UNC45B: variants seen among roughly 807,000 people sequenced by gnomAD.
UNC45B encodes the protein protein unc-45 homolog B.
Under a neutral mutation model 98.7 loss-of-function variants are expected in UNC45B, and 78 were observed. That is an observed-to-expected ratio of 0.79 (90% CI 0.66 to 0.95). UNC45B has a LOEUF of 0.95. UNC45B is among the 40% of genes least tolerant of loss of function. The pLI is 0.00. For synonymous variants in UNC45B, 462 were observed against 480.4 expected, an observed-to-expected ratio of 0.96 and a Z score of 0.50; for missense variants, 1,225 against 1,184.9, an observed-to-expected ratio of 1.03 and a Z score of -0.50.
chr17:35,186,523 G>A lies in UNC45B; in HGVS notation c.2754G>A (p.Lys918=), dbSNP rs781588290. 10 of 1,614,118 alleles carry A rather than the reference G, an allele frequency of 6.2e-6. No homozygotes were observed. The Admixed American group carries it at 6.7e-5, about 11-fold the overall frequency. ...VVQTARECLI[K]CMDYGFIKPV... ...AGACAGCCCGAGAATGTCTCATCAA[G>A]TGCATGGATTATGGTTTCATTAAAC... is the stretch of plus-strand genomic sequence containing the variant. The change falls in exon 20 of 20, where the codon AAG becomes AAA. Residue 918 remains lysine (K), a synonymous_variant. Transcript: ENST00000394570.
Position 35,170,226 on chromosome 17 carries a change from G to T in UNC45B, c.1660G>T (p.Ala554Ser). 2 of 1,612,408 alleles carry T rather than the reference G, an allele frequency of 1.2e-6. No homozygotes were observed. The highest frequency in any genetic ancestry group is 1.7e-6 in the Non-Finnish European group (2 of 1,178,810). The change falls in exon 12 of 20, where the codon GCC (alanine) becomes TCC (serine). Residue 554 changes from alanine to serine, a missense_variant. Ala to Ser is a moderately conservative substitution (Grantham distance 99, BLOSUM62 1). Transcript: ENST00000394570. Reference sequence around the variant, plus strand: ...GGACGACTTTGTCCAGGACGTCCCTGCCCTGCAGGCCATGTTTGAGCTGGC... The same window carrying T: ...GGACGACTTTGTCCAGGACGTCCCTTCCCTGCAGGCCATGTTTGAGCTGGC... Reference protein sequence around the residue: ...VKDDFVQDVPALQAMFELAKT... With the variant: ...VKDDFVQDVPSLQAMFELAKT...
At chr17:35,175,890 C>T in intron 14 of UNC45B, 78 bp from the exon 15 acceptor site, 1 of 1,408,458 alleles carries the variant, frequency 7.1e-7, no homozygotes. Context: ...CTGGCTCCGA[C>T]TGGCTGGCCT....
In UNC45B at chr17:35,155,397, C is replaced by T; in HGVS notation, c.741C>T (p.Ala247=). ...MSLAVCNLLQ[A]IIDSLSGEDK... is the part of the protein sequence containing the mutation. ...TGGCTGTCTGCAACCTGCTCCAAGC[C>T]ATCATTGACTCCTTGTCTGGGGAGG... Residue 247 remains alanine, a synonymous_variant, in exon 7 of 20, where the codon GCC becomes GCT. Coordinates refer to ENST00000394570, the MANE Select transcript of UNC45B (RefSeq NM_001267052.2). 1 of 1,614,176 alleles carries T rather than the reference C, an allele frequency of 6.2e-7. No homozygotes were observed. The highest frequency in any genetic ancestry group is 2.2e-5 in the East Asian group (1 of 44,880).
intron 4 of UNC45B, among the ~76,000 whole-genome samples, chr17:35,150,675 G>A (rs2092010931): frequency 1.3e-5 from 2 of 152,110 alleles, no homozygotes; most frequent in African/African-American, 4.8e-5. Context: ...TTTGAACCTG[G>A]GAGGTGGAGG....
rs373840248 is a variant in UNC45B at position 35,174,231 on chromosome 17, C to T, written c.1831-11C>T. On this transcript the variant is annotated splice_polypyrimidine_tract_variant and intron_variant, in intron 13 of 19. Transcript: ENST00000394570. ...GGACCCTCCCACATTGCCATCTTTT[C>T]ATCTCCTCAGGACAAGAAGGACTTT... 3 of 1,613,992 alleles carry T rather than the reference C, an allele frequency of 1.9e-6. No individual in the cohort carries two copies. In the African/African-American group the frequency reaches 4.0e-5, roughly 22 times the overall value.
At chr17:35,180,715 A>T in intron 18 of UNC45B, 39 bp downstream of exon 18, 1 of 1,547,812 alleles carries the variant, frequency 6.5e-7, no homozygotes, top group Non-Finnish European at 8.9e-7. Flanking sequence ...GGGCGTGATC[A>T]AGGCACGAGA....
intron 14 of UNC45B, among the ~76,000 whole-genome samples, chr17:35,174,797 G>A (rs2092215611): frequency 6.6e-6 from 1 of 151,684 alleles, no homozygotes; most frequent in South Asian, 2.1e-4. Flanking sequence ...TCCAGCCTGG[G>A]TAACAGAGCA....
chr17:35,169,644 C>T (rs2092168173), intron 10 of UNC45B, among the ~76,000 whole-genome samples, 193 bp from the exon 11 acceptor site: 1 of 152,036 alleles, frequency 6.6e-6, no homozygotes, highest in Non-Finnish European at 1.5e-5. Flanking sequence ...TCTACCCTAA[C>T]CCAGAGCATC....
intron 18 of UNC45B, among the ~76,000 whole-genome samples, chr17:35,182,413 C>T (rs1462650886): frequency 1.3e-5 from 2 of 151,638 alleles, no homozygotes; most frequent in Non-Finnish European, 2.9e-5. Flanking sequence ...CAAGCTGACT[C>T]AGGGATCCAG....
In UNC45B at chr17:35,186,726, T is replaced by TC; in HGVS notation, c.*169dup. ...TCTGAGTTGTGAGTCTTCTCCTTTGTCCTGACAGAGTTTGGATGTTTCACT... is the reference window on the plus strand; with the variant it reads ...TCTGAGTTGTGAGTCTTCTCCTTTGTCCCTGACAGAGTTTGGATGTTTCACT... On this transcript the variant is annotated 3_prime_UTR_variant, in exon 20 of 20. Coordinates refer to ENST00000394570, the MANE Select transcript of UNC45B (RefSeq NM_001267052.2). 1.4e-6 allele frequency: 1 copy of TC among 733,500 alleles called. No individual in the cohort carries two copies. The highest frequency in any genetic ancestry group is 2.1e-6 in the Non-Finnish European group (1 of 473,488). The allele number at this position is 733,500 out of a possible 1,614,324, so 45.4% of individuals were successfully genotyped here.
chr17:35,177,149 G>A lies in UNC45B; in HGVS notation c.2139+19G>A. The stretch of plus-strand genomic sequence containing the variant: ...GGAGCGGGTAGGTGCTTGGGTAGAT[G>A]GGATAGGGCAATGGGAGGGGTCTCC... On this transcript the variant is annotated intron_variant, in intron 16 of 19. Transcript: ENST00000394570. The A allele has an allele frequency of 6.2e-7, 1 of 1,606,944 alleles. No individual in the cohort carries two copies. Among genetic ancestry groups the A allele is most frequent in the Non-Finnish European group, 8.5e-7 (1 of 1,173,726 alleles).
At chr17:35,183,174 G>A (rs1355389682) in intron 18 of UNC45B, among the ~76,000 whole-genome samples, 1 of 150,362 alleles carries the variant, frequency 6.7e-6, no homozygotes, top group Non-Finnish European at 1.5e-5. Context: ...TTCCCCTGGT[G>A]TGGAGGCTGA....
rs544629079 is a variant in UNC45B at position 35,179,407 on chromosome 17, A to G, written c.2256-1152A>G. ...CCAGCAATCCCATTGCTGGGTATAT[A>G]CCCAAAGGACTATAAATCATGCTAC... On this transcript the variant is annotated intron_variant, in intron 17 of 19. Transcript: ENST00000394570. Among the ~76,000 whole-genome samples, 3 of 152,312 alleles carry G rather than the reference A, an allele frequency of 2.0e-5. No homozygotes were observed. In the South Asian group the frequency reaches 6.2e-4, roughly 32 times the overall value.
In UNC45B at chr17:35,183,516, G is replaced by A. The variant is rs751310006; in HGVS notation, c.2463G>A (p.Ala821=). 9 of 1,604,740 alleles carry A rather than the reference G, an allele frequency of 5.6e-6. No homozygotes were observed. Among genetic ancestry groups the A allele is most frequent in the Middle Eastern group, 1.7e-4 (1 of 6,004 alleles). ...CGEDDDKVQN[A]AAGALAMLTA... Reference sequence around the variant, plus strand: ...AGGATGATGATAAGGTGCAGAATGCGGCTGCAGGGGCTCTGGCCATGCTGA... The same window carrying A: ...AGGATGATGATAAGGTGCAGAATGCAGCTGCAGGGGCTCTGGCCATGCTGA... The change falls in exon 19 of 20, where the codon GCG becomes GCA. Residue 821 remains alanine (A), a synonymous_variant. Transcript: ENST00000394570.
At chr17:35,171,538 G>A in intron 13 of UNC45B, 76 bp downstream of exon 13, 1 of 1,556,494 alleles carries the variant, frequency 6.4e-7, no homozygotes, top group Non-Finnish European at 8.7e-7. Flanking sequence ...GGCAAAAGGA[G>A]TGGTGTCAGG....
Position 35,168,277 on chromosome 17 carries a change from C to A in UNC45B, c.1368C>A (p.Thr456=). The A allele has an allele frequency of 6.5e-7, 1 of 1,530,118 alleles. No homozygotes were observed. Among genetic ancestry groups the A allele is most frequent in the Non-Finnish European group, 8.8e-7 (1 of 1,137,888 alleles). The allele number at this position is 1,530,118 out of a possible 1,614,324, so 94.8% of individuals were successfully genotyped here. A position where few individuals can be genotyped will look rare whatever the true frequency, so the allele number is the denominator to read the frequency against. Residue 456 remains threonine (T), a synonymous_variant, in exon 10 of 20, where the codon ACC becomes ACA. Transcript: ENST00000394570. ...IHASTKLSRA[T]FIITNGVSLL... ...CCTCCACGAAGCTCAGCCGCGCCAC[C>A]TTCATCATCACCAATGGAGTGTCAC... is the stretch of plus-strand genomic sequence containing the variant.
At position 35,186,338 on chromosome 17, in the gene UNC45B, C is replaced by T; in HGVS notation, c.2569C>T (p.His857Tyr). ...GGAGATCCTCCAGCGGCTTTGCCTG[C>T]ACGACCAGCTGTCTGTCCAACACCG... ...WLEILQRLCL[H>Y]DQLSVQHRGL... Residue 857 changes from histidine (H) to tyrosine (Y), a missense_variant, in exon 20 of 20, where the codon CAC becomes TAC. By Grantham distance (83) the His-to-Tyr change is moderately conservative. Transcript: ENST00000394570. 6.2e-7 allele frequency: 1 copy of T among 1,614,158 alleles called. No individual in the cohort carries two copies. The highest frequency in any genetic ancestry group is 8.5e-7 in the Non-Finnish European group (1 of 1,180,028).
rs759867431 is a variant in UNC45B, at chr17:35,168,111, C to T, written c.1202C>T (p.Thr401Ile). ...GACAAGAACTTGAATGCCATCCAGA[C>T]AGTGTCAGGGATCCTGCAGGGCCCC... ...DMDKNLNAIQ[T>I]VSGILQGPFD... The change falls in exon 10 of 20, where the codon ACA becomes ATA. Residue 401 changes from threonine (T) to isoleucine (I), a missense_variant. Physicochemically the swap from Thr to Ile is moderately conservative, Grantham distance 89 (BLOSUM62 -1). Coordinates refer to ENST00000394570, the MANE Select transcript of UNC45B (RefSeq NM_001267052.2). 2.5e-6 allele frequency: 4 copies of T among 1,577,316 alleles called. No homozygotes were observed. The highest frequency in any genetic ancestry group is 1.4e-5 in the African/African-American group (1 of 73,240).
At chr17:35,170,315 C>T in intron 12 of UNC45B, 60 bp downstream of exon 12, 4 of 1,493,088 alleles carry the variant, frequency 2.7e-6, no homozygotes, top group Non-Finnish European at 3.6e-6. Context: ...TGGGTCCAGA[C>T]CCACAGGGAA....
Sources: allele counts gnomAD v4.1 joint callset (sites outside exome capture counted in the v4.1 genomes callset), GRCh38; gene constraint gnomAD v4.1.1; transcripts MANE v1.5; gene names NCBI Gene and HGNC (gene_info 2026-07-23, HGNC 2026-07-21).